The following UTP11 variants were observed in gnomAD, a reference collection of about 807,000 sequenced individuals.
The protein encoded by UTP11 is UTP11 small subunit processome component, also known as probable U3 small nucleolar RNA-associated protein 11.
In UTP11, 29 loss-of-function variants were observed where a neutral mutation model predicts 39.0. That is an observed-to-expected ratio of 0.74 (90% CI 0.55 to 1.01). UTP11 has a LOEUF of 1.01. UTP11 is among the 50% of genes least tolerant of loss of function. The pLI, the probability that UTP11 is intolerant of heterozygous loss-of-function variation, is 0.00. For synonymous variants in UTP11, 111 were observed against 105.0 expected (o/e 1.06, Z -0.35); for missense variants, 281 against 306.0 (o/e 0.92, Z 0.61).
At chr1:38,017,857 G>T in intron 3 of UTP11, 87 bp downstream of exon 3, 1 of 1,230,256 alleles carries the variant, frequency 8.1e-7, no homozygotes. Context: ...AGAATCGTTG[G>T]CCTTAATTTA....
At chr1:38,017,033 T>C (rs940762190) in intron 2 of UTP11, 2 of 153,436 alleles carry the variant, frequency 1.3e-5, no homozygotes, top group African/African-American at 4.8e-5. Context: ...CCCAGAGATT[T>C]TAAGGCTAAT....
chr1:38,014,966 G>T (rs1646700083), intron 1 of UTP11, among the ~76,000 whole-genome samples: 1 of 152,068 alleles, frequency 6.6e-6, no homozygotes, highest in South Asian at 2.1e-4. Flanking sequence ...TCACTTGAAG[G>T]ATAAAAGATG....
At position 38,015,053 on chromosome 1, in the gene UTP11, C is replaced by T. The variant is rs554891960; in HGVS notation, c.64-1306C>T. Among the ~76,000 whole-genome samples the T allele has an allele frequency of 2.0e-5, 3 of 152,242 alleles. No individual in the cohort carries two copies. In the South Asian group the frequency reaches 6.2e-4, roughly 32 times the overall value. ...TGTTTGTTTTTTTGAGGCGGAGTCT[C>T]GCCCTGTTGCCCAGGCTGGAGTGCG... On this transcript the variant is annotated intron_variant, in intron 1 of 7. Coordinates refer to ENST00000373014, the MANE Select transcript of UTP11 (RefSeq NM_016037.4).
chr1:38,023,520 T>C lies in UTP11; in HGVS notation c.679-25T>C, dbSNP rs771254856. 1.3e-5 allele frequency: 21 copies of C among 1,594,182 alleles called. No homozygotes were observed. The South Asian group carries it at 1.5e-4, about 11-fold the overall frequency. On this transcript the variant is annotated intron_variant, in intron 7 of 7. Coordinates refer to ENST00000373014, the MANE Select transcript of UTP11 (RefSeq NM_016037.4). ...TACAAAACCATTTCCTTCTCTTTACTGATCACCTTTTTACTCTTTTGTAGG... is the reference window on the plus strand; with the variant it reads ...TACAAAACCATTTCCTTCTCTTTACCGATCACCTTTTTACTCTTTTGTAGG...
intron 6 of UTP11, among the ~76,000 whole-genome samples, chr1:38,020,599 T>A (rs1014486130): frequency 2.0e-5 from 3 of 152,232 alleles, no homozygotes; most frequent in Non-Finnish European, 4.4e-5. Flanking sequence ...CTGTTTTGAT[T>A]TGAATCATTT....
intron 6 of UTP11, among the ~76,000 whole-genome samples, chr1:38,020,556 A>G (rs1646730800): frequency 6.6e-6 from 1 of 152,186 alleles, no homozygotes; most frequent in Non-Finnish European, 1.5e-5. Context: ...TTAAAAAAAA[A>G]TGCTGTCAAT....
At position 38,024,304 on chromosome 1, in the gene UTP11, T is replaced by C. The variant is rs1043381401; in HGVS notation, c.*676T>C. 2.0e-5 allele frequency: 3 copies of C among 152,202 alleles called. No individual in the cohort carries two copies. The highest frequency in any genetic ancestry group is 2.0e-4 in the Admixed American group (3 of 15,278). 9.4% of individuals were successfully genotyped at this position (152,202 alleles called of 1,614,324 possible). A position where few individuals can be genotyped will look rare whatever the true frequency, so the allele number is the denominator to read the frequency against. On this transcript the variant is annotated 3_prime_UTR_variant, in exon 8 of 8. Coordinates refer to ENST00000373014, the MANE Select transcript of UTP11 (RefSeq NM_016037.4). Reference sequence around the variant, plus strand: ...AGGTGGACAATTACTGTGAGTAGTCTAGTTGATTTCCTCCATTTTGTAAAA... The same window carrying C: ...AGGTGGACAATTACTGTGAGTAGTCCAGTTGATTTCCTCCATTTTGTAAAA...
intron 7 of UTP11, among the ~76,000 whole-genome samples, chr1:38,023,067 T>C (rs1043098535): frequency 2.6e-5 from 4 of 152,226 alleles, no homozygotes; most frequent in Non-Finnish European, 5.9e-5. Flanking sequence ...ATGAACTTTA[T>C]AGCTTATGAG....
chr1:38,012,753 G>A lies in UTP11; in HGVS notation c.-50G>A. On this transcript the variant is annotated 5_prime_UTR_variant, in exon 1 of 8. Transcript: ENST00000373014. ...GGAATCAGTGGACTTGGCGGCAGAG[G>A]CAGTGCGGATCCGGCGTTCTCCACT... The A allele has an allele frequency of 6.2e-7, 1 of 1,611,566 alleles. No homozygotes were observed. Among genetic ancestry groups the A allele is most frequent in the African/African-American group, 1.3e-5 (1 of 75,026 alleles).
rs144179856 is a variant in UTP11 at position 38,019,335 on chromosome 1, C to T, written c.519C>T (p.Thr173=). 7,309 of 1,613,694 alleles carry T rather than the reference C, an allele frequency of 4.5e-3. 24 individuals are homozygous for T. The highest frequency in any genetic ancestry group is 5.2e-3 in the Non-Finnish European group (6,152 of 1,179,904). Residue 173 remains threonine, a synonymous_variant, in exon 6 of 8, where the codon ACC becomes ACT. Transcript: ENST00000373014. ...DRVFNRPRIE[T]LQKEKVKGVT... Reference sequence around the variant, plus strand: ...TCTTTAATAGGCCCAGGATAGAGACCTTGCAGAAAGAAAAAGTGAAAGGAG... The same window carrying T: ...TCTTTAATAGGCCCAGGATAGAGACTTTGCAGAAAGAAAAAGTGAAAGGAG...
intron 6 of UTP11, among the ~76,000 whole-genome samples, chr1:38,020,355 T>C (rs1050251744): frequency 2.6e-5 from 4 of 152,120 alleles, no homozygotes; most frequent in Admixed American, 2.6e-4. Context: ...ACTCCCGCCT[T>C]GGCCTCCTGA....
intron 1 of UTP11, among the ~76,000 whole-genome samples, chr1:38,015,504 G>C (rs183051823): frequency 1.4e-4 from 22 of 152,238 alleles, no homozygotes; most frequent in Admixed American, 8.5e-4. Flanking sequence ...TCCCTTTATG[G>C]AAAACTGGGG....
chr1:38,013,813 C>A (rs769745419), intron 1 of UTP11, among the ~76,000 whole-genome samples: 14 of 152,170 alleles, frequency 9.2e-5, no homozygotes, highest in Non-Finnish European at 1.6e-4. Flanking sequence ...CTCCCAGGTT[C>A]AAGCGGTTCT....
In UTP11 at chr1:38,023,707, A is replaced by G. The variant is rs530717550; in HGVS notation, c.*79A>G. Reference sequence around the variant, plus strand: ...AGTAACTTCAAATTCCATTACTCCAAATGGCATGGTTTTCCGGTTTGTAAC... The same window carrying G: ...AGTAACTTCAAATTCCATTACTCCAGATGGCATGGTTTTCCGGTTTGTAAC... On this transcript the variant is annotated 3_prime_UTR_variant, in exon 8 of 8. Coordinates refer to ENST00000373014, the MANE Select transcript of UTP11 (RefSeq NM_016037.4). 1 of 1,286,730 alleles carries G rather than the reference A, an allele frequency of 7.8e-7. No individual in the cohort carries two copies. Among genetic ancestry groups the G allele is most frequent in the South Asian group, 1.5e-5 (1 of 68,572 alleles). 79.7% of individuals were successfully genotyped at this position (1,286,730 alleles called of 1,614,324 possible).
chr1:38,014,870 C>T (rs6667423), intron 1 of UTP11, among the ~76,000 whole-genome samples: 4,425 of 151,974 alleles, frequency 0.029, 205 homozygotes, highest in African/African-American at 0.1. Flanking sequence ...TCTCGAACTC[C>T]TGGGCTCAAG....
intron 2 of UTP11, 46 bp from the exon 3 acceptor site, chr1:38,017,622 C>CTTT: frequency 8.8e-7 from 1 of 1,130,982 alleles, no homozygotes. Flanking sequence ...TTAAAATTAT[C>CTTT]TATTTTTTTT....
At chr1:38,022,874 TA>T (rs1646746643) in intron 7 of UTP11, 65 bp downstream of exon 7, 1 of 1,093,236 alleles carries the variant, frequency 9.1e-7, no homozygotes, top group East Asian at 2.6e-5. Flanking sequence ...GTAAAGGTCT[TA>T]ACTCAGACTA....
At chr1:38,016,321 G>A in intron 1 of UTP11, 38 bp from the exon 2 acceptor site, 1 of 1,608,282 alleles carries the variant, frequency 6.2e-7, no homozygotes, top group Non-Finnish European at 8.5e-7. Flanking sequence ...TGTTTGCGGA[G>A]GAAACTAAGC....
intron 7 of UTP11, among the ~76,000 whole-genome samples, chr1:38,023,215 A>C (rs1646748335): frequency 6.6e-6 from 1 of 152,260 alleles, no homozygotes; most frequent in Non-Finnish European, 1.5e-5. Context: ...TCATTCCTCT[A>C]AATGTCAAAT....
Sources: gnomAD v4.1 joint callset for allele counts (sites outside exome capture counted in the v4.1 genomes callset) on GRCh38, gnomAD v4.1.1 for gene constraint, MANE v1.5 for transcripts, NCBI Gene and HGNC (gene_info 2026-07-23, HGNC 2026-07-21) for gene names.